Variants in PALD1 observed in about 807,000 individuals in gnomAD.
The protein encoded by PALD1 is paladin.
In PALD1, 57 loss-of-function variants were observed where a neutral mutation model predicts 96.0. The ratio of observed to expected loss-of-function variants is 0.59; its 90% CI spans 0.48 to 0.74. The LOEUF (loss-of-function observed/expected upper bound fraction) is 0.74, where lower values mean the gene tolerates loss of function less well. Among genes scored for constraint, PALD1 ranks in the 30% least tolerant of loss-of-function variants. The probability of loss-of-function intolerance (pLI) is 0.00; values close to 1 mark genes in which losing one functional copy is unlikely to be tolerated. For synonymous variants in PALD1, 464 were observed against 473.6 expected (o/e 0.98, Z 0.26); for missense variants, 1,063 against 1,143.7 (o/e 0.93, Z 1.02).
At position 70,538,406 on chromosome 10, in the gene PALD1, C is replaced by T. The variant is rs1266595077; in HGVS notation, c.1450C>T (p.Leu484=). Residue 484 remains leucine (L), a splice_region_variant and synonymous_variant, in exon 12 of 20, where the codon CTA becomes TTA. Coordinates refer to ENST00000263563, the MANE Select transcript of PALD1 (RefSeq NM_014431.3). The part of the protein sequence containing the change: ...APRDLIARGS[L]REDDLVSPDA... ...GAGGGACCTCATCGCCAGGGGCTCC[C>T]TAGTGAGTATGACTGGCAGTCGGAG... 6.2e-7 allele frequency: 1 copy of T among 1,611,414 alleles called. No individual in the cohort carries two copies. The highest frequency in any genetic ancestry group is 1.3e-5 in the African/African-American group (1 of 74,940).
intron 1 of PALD1, among the ~76,000 whole-genome samples, chr10:70,514,372 T>A (rs1846579773): frequency 6.6e-6 from 1 of 152,156 alleles, no homozygotes; most frequent in Non-Finnish European, 1.5e-5. Flanking sequence ...TTTTAAACTA[T>A]TTTTTTTCTA....
chr10:70,538,520 AAG>A (rs1187385259), intron 12 of PALD1, 112 bp downstream of exon 12: 3 of 1,140,842 alleles, frequency 2.6e-6, no homozygotes, highest in Non-Finnish European at 3.7e-6. Context: ...GGAGGTGAAG[AAG>A]AGAGGCTGTG....
the PALD1 span, among the ~76,000 whole-genome samples, chr10:70,472,639 C>T: frequency 6.6e-6 from 1 of 152,172 alleles, no homozygotes; most frequent in African/African-American, 2.4e-5. Flanking sequence ...GATGGTCCTG[C>T]TGCTGCAGGG....
Position 70,509,737 on chromosome 10 carries a change from G to T in PALD1, c.-29-16186G>T, listed in dbSNP as rs868162378. On this transcript the variant is annotated intron_variant, in intron 1 of 19. Transcript: ENST00000263563. Reference sequence around the variant, plus strand: ...CTTAGGTCCTGGGAGGACCTTGAGGGCCTTGAGCAGCTCTGTGGGGCAGCT... The same window carrying T: ...CTTAGGTCCTGGGAGGACCTTGAGGTCCTTGAGCAGCTCTGTGGGGCAGCT... Among the ~76,000 whole-genome samples the T allele has an allele frequency of 1.3e-5, 2 of 152,220 alleles. 1 individual carries two copies. The highest frequency in any genetic ancestry group is 4.1e-4 in the South Asian group (2 of 4,836).
chr10:70,533,908 A>C lies in PALD1; in HGVS notation c.871-14A>C. 1 of 1,571,424 alleles carries C rather than the reference A, an allele frequency of 6.4e-7. No individual in the cohort carries two copies. The highest frequency in any genetic ancestry group is 8.6e-7 in the Non-Finnish European group (1 of 1,156,902). ...CTGGTCTCACTGGGGCCTGATCCTC[A>C]TGGTCTTTCCCAGGAGACCCCCAGC... is the stretch of plus-strand genomic sequence containing the variant. On this transcript the variant is annotated splice_polypyrimidine_tract_variant and intron_variant, in intron 7 of 19. Coordinates refer to ENST00000263563, the MANE Select transcript of PALD1 (RefSeq NM_014431.3).
intron 1 of PALD1, among the ~76,000 whole-genome samples, chr10:70,485,171 A>ATT (rs1564681019): frequency 1.8e-4 from 3 of 16,840 alleles, no homozygotes; most frequent in South Asian, 2.1e-3. Context: ...ATTAAAGTTA[A>ATT]ATTTTTTTTT....
intron 18 of PALD1, among the ~76,000 whole-genome samples, chr10:70,548,401 A>G (rs1847410917): frequency 2.0e-5 from 3 of 151,698 alleles, no homozygotes; most frequent in Admixed American, 2.0e-4. Flanking sequence ...GGTCCCCAAT[A>G]CTCCCTGCTC....
intron 1 of PALD1, among the ~76,000 whole-genome samples, chr10:70,490,103 A>G (rs181513668): frequency 8.1e-4 from 124 of 152,230 alleles, no homozygotes; most frequent in African/African-American, 2.8e-3. Flanking sequence ...TTGTATTTTT[A>G]GTAGAGATGA....
At chr10:70,511,497 T>C (rs1846516444) in intron 1 of PALD1, among the ~76,000 whole-genome samples, 2 of 152,244 alleles carry the variant, frequency 1.3e-5, no homozygotes, top group Admixed American at 1.3e-4. Flanking sequence ...CTGACGCTTA[T>C]GTCCCTGTCT....
At chr10:70,529,559 T>A (rs1301097881) in intron 3 of PALD1, among the ~76,000 whole-genome samples, 2 of 152,000 alleles carry the variant, frequency 1.3e-5, no homozygotes, top group African/African-American at 4.8e-5. Context: ...GCTCCTACCC[T>A]AGAGCCAGCT....
Position 70,534,786 on chromosome 10 carries a change from A to C in PALD1, c.1170A>C (p.Glu390Asp). ...GTGCCGAGTTGCATGACCTGAAAGAAGTGGTCTTGGAAAACCAGAAGAAGT... is the reference window on the plus strand; with the variant it reads ...GTGCCGAGTTGCATGACCTGAAAGACGTGGTCTTGGAAAACCAGAAGAAGT... ...TACAELHDLKEVVLENQKKLE... is the reference protein window; with the variant it reads ...TACAELHDLKDVVLENQKKLE... The change falls in exon 10 of 20, where the codon GAA becomes GAC. Residue 390 changes from glutamate to aspartate, a missense_variant. Coordinates refer to ENST00000263563, the MANE Select transcript of PALD1 (RefSeq NM_014431.3). 1 of 1,612,822 alleles carries C rather than the reference A, an allele frequency of 6.2e-7. No homozygotes were observed. Among genetic ancestry groups the C allele is most frequent in the Non-Finnish European group, 8.5e-7 (1 of 1,179,424 alleles).
rs746075377 is a variant in PALD1 at position 70,541,146 on chromosome 10, G to C, written c.1953G>C (p.Lys651Asn). ...AGGCCCTGCGGGCCGCCCTCTCCAA[G>C]GACCCAGGCACTGGCTTCGTGTTCA... is the stretch of plus-strand genomic sequence containing the variant. Reference protein sequence around the residue: ...LLEALRAALSKDPGTGFVFSC... With the variant: ...LLEALRAALSNDPGTGFVFSC... Residue 651 changes from lysine (K) to asparagine (N), a missense_variant, in exon 16 of 20, where the codon AAG (lysine) becomes AAC (asparagine). Coordinates refer to ENST00000263563, the MANE Select transcript of PALD1 (RefSeq NM_014431.3). The C allele has an allele frequency of 1.6e-5, 26 of 1,613,274 alleles. No homozygotes were observed. Among genetic ancestry groups the C allele is most frequent in the Non-Finnish European group, 2.2e-5 (26 of 1,179,702 alleles).
intron 18 of PALD1, among the ~76,000 whole-genome samples, chr10:70,559,402 G>T (rs1054861611): frequency 6.6e-6 from 1 of 152,204 alleles, no homozygotes; most frequent in African/African-American, 2.4e-5. Flanking sequence ...TTCTGGGATT[G>T]CTGGGACTTT....
chr10:70,546,459 G>T lies in PALD1; in HGVS notation c.2122-847G>T, dbSNP rs377479624. On this transcript the variant is annotated intron_variant, in intron 17 of 19. Transcript: ENST00000263563. ...TAATGTAAACCACTTCTTGATTGTG[G>T]CTCTCCTGTGAGAACTGTGTGCACT... Among the ~76,000 whole-genome samples the T allele has an allele frequency of 7.4e-4, 112 of 152,124 alleles. 2 individuals are homozygous for T. In the South Asian group the frequency reaches 0.023, roughly 31 times the overall value.
intron 1 of PALD1, among the ~76,000 whole-genome samples, chr10:70,515,309 C>T (rs903812196): frequency 6.6e-6 from 1 of 152,224 alleles, no homozygotes; most frequent in African/African-American, 2.4e-5. Flanking sequence ...GAGCTGGGGC[C>T]TCCTGGTTCT....
intron 10 of PALD1, among the ~76,000 whole-genome samples, chr10:70,535,586 TCCTC>T (rs1847097611): frequency 7.1e-6 from 1 of 141,736 alleles, no homozygotes; most frequent in South Asian, 2.4e-4. Flanking sequence ...TCCTCCTTCT[TCCTC>T]CTTCCTTCTC....
chr10:70,560,247 C>T lies in PALD1; in HGVS notation c.2263-4117C>T, dbSNP rs142372709. On this transcript the variant is annotated intron_variant, in intron 18 of 19. Coordinates refer to ENST00000263563, the MANE Select transcript of PALD1 (RefSeq NM_014431.3). ...TAGGCCTGGAGGGAACCCGACCAGG[C>T]AGGAGGAACAGCATGGGTGAAGGTA... is the stretch of plus-strand genomic sequence containing the variant. 5.7e-3 allele frequency among the ~76,000 whole-genome samples: 874 copies of T among 152,154 alleles called. 11 individuals are homozygous for T. The highest frequency in any genetic ancestry group is 0.019 in the African/African-American group (781 of 41,472).
At chr10:70,558,283 T>C (rs556003824) in intron 18 of PALD1, among the ~76,000 whole-genome samples, 1 of 152,216 alleles carries the variant, frequency 6.6e-6, no homozygotes, top group East Asian at 1.9e-4. Flanking sequence ...CTCTGTTGCC[T>C]ACTCTCCATG....
At position 70,564,480 on chromosome 10, in the gene PALD1, C is replaced by T. The variant is rs200371984; in HGVS notation, c.2379C>T (p.Ala793=). 1.2e-5 allele frequency: 19 copies of T among 1,614,092 alleles called. No homozygotes were observed. The East Asian group carries it at 1.6e-4, about 13-fold the overall frequency. ...ACGCGTACCTCCACCTGGAGAAGGCCGACTCCTGGCAGAGGCCCTTCAGCA... is the reference window on the plus strand; with the variant it reads ...ACGCGTACCTCCACCTGGAGAAGGCTGACTCCTGGCAGAGGCCCTTCAGCA... ...LFNAYLHLEK[A]DSWQRPFSTW... is the part of the protein sequence containing the mutation. The change falls in exon 19 of 20, where the codon GCC becomes GCT. Residue 793 remains alanine (A), a synonymous_variant. Transcript: ENST00000263563.
Sources: gnomAD v4.1 joint callset for allele counts (sites outside exome capture counted in the v4.1 genomes callset) on GRCh38, gnomAD v4.1.1 for gene constraint, MANE v1.5 for transcripts, NCBI Gene and HGNC (gene_info 2026-07-23, HGNC 2026-07-21) for gene names.